Variants in ABLIM1 observed in about 807,000 individuals in gnomAD.
ABLIM1 encodes actin binding LIM protein 1, also known as actin-binding LIM protein 1.
A neutral mutation model predicts 107.0 loss-of-function variants in ABLIM1; 40 were observed. That is an observed-to-expected ratio of 0.37 (90% CI 0.29 to 0.49). The LOEUF is 0.49. Among genes scored for constraint, ABLIM1 ranks in the 20% least tolerant of loss-of-function variants. The pLI is 0.97. For synonymous variants in ABLIM1, 357 were observed against 357.3 expected, an observed-to-expected ratio of 1.00 and a Z score of 0.01; for missense variants, 857 against 1,008.5, an observed-to-expected ratio of 0.85 and a Z score of 2.04.
At chr10:114,588,288 T>G (rs1321725411) in intron 2 of ABLIM1, among the ~76,000 whole-genome samples, 1 of 152,082 alleles carries the variant, frequency 6.6e-6, no homozygotes, top group African/African-American at 2.4e-5. Flanking sequence ...GCCAGTCAGG[T>G]AAGGGTAGAG....
chr10:114,711,387 C>T (rs1272289666), intron 1 of ABLIM1, among the ~76,000 whole-genome samples: 5 of 152,094 alleles, frequency 3.3e-5, no homozygotes, highest in Non-Finnish European at 7.4e-5. Context: ...TTTTGATGTT[C>T]AGTTTCCATG....
chr10:114,689,147 T>A (rs1022315847), upstream of ABLIM1, among the ~76,000 whole-genome samples: 1 of 152,058 alleles, frequency 6.6e-6, no homozygotes, highest in African/African-American at 2.4e-5. Flanking sequence ...GGGCAGTTTA[T>A]CAAGTTCAGG....
intron 1 of ABLIM1, among the ~76,000 whole-genome samples, chr10:114,755,622 T>A (rs2082613325): frequency 1.3e-5 from 2 of 152,234 alleles, no homozygotes; most frequent in African/African-American, 4.8e-5. Context: ...GCCGGCTTTG[T>A]ACAGAGAGTA....
At chr10:114,790,180 C>G in the ABLIM1 span, among the ~76,000 whole-genome samples, 1 of 151,358 alleles carries the variant, frequency 6.6e-6, no homozygotes, top group African/African-American at 2.4e-5. Context: ...CTTTCTTTTG[C>G]TTAGGTAGTT....
chr10:114,764,780 T>C (rs2082844640), intron 1 of ABLIM1: 1 of 152,374 alleles, frequency 6.6e-6, no homozygotes, highest in Non-Finnish European at 1.5e-5. Flanking sequence ...TGGCTGGCTC[T>C]GACATTCAAT....
chr10:114,637,873 G>C (rs1437732527), intron 1 of ABLIM1, among the ~76,000 whole-genome samples: 2 of 152,174 alleles, frequency 1.3e-5, no homozygotes, highest in South Asian at 4.1e-4. Flanking sequence ...TTTAAAAACA[G>C]TTTACTACCA....
chr10:114,511,846 G>C (rs772467808), intron 6 of ABLIM1, among the ~76,000 whole-genome samples: 5 of 152,112 alleles, frequency 3.3e-5, no homozygotes, highest in African/African-American at 4.8e-5. Flanking sequence ...CCAGCTGTTC[G>C]GAGCATCATT....
chr10:114,793,283 A>C, the ABLIM1 span, among the ~76,000 whole-genome samples: 1 of 152,122 alleles, frequency 6.6e-6, no homozygotes, highest in Non-Finnish European at 1.5e-5. Context: ...TGTCCTTGTG[A>C]TAGTGAGTGA....
intron 2 of ABLIM1, among the ~76,000 whole-genome samples, chr10:114,578,368 T>A (rs1232086624): frequency 6.6e-6 from 1 of 151,864 alleles, no homozygotes. Flanking sequence ...GGTAGCTGTA[T>A]CCATTCTCCA....
chr10:114,609,499 G>T (rs1174150524), intron 1 of ABLIM1, among the ~76,000 whole-genome samples: 2 of 152,170 alleles, frequency 1.3e-5, no homozygotes. Context: ...GTTTCTCTTG[G>T]TTTGTGTTTC....
intron 6 of ABLIM1, among the ~76,000 whole-genome samples, chr10:114,496,771 T>A (rs1459077331): frequency 6.6e-6 from 1 of 152,248 alleles, no homozygotes; most frequent in South Asian, 2.1e-4. Context: ...ATGCTGAACA[T>A]GTCAAGACAT....
chr10:114,622,247 C>CA (rs374237031), intron 1 of ABLIM1, among the ~76,000 whole-genome samples: 1 of 136,570 alleles, frequency 7.3e-6, no homozygotes, highest in African/African-American at 2.7e-5. Context: ...TTTTCTTTTT[C>CA]TTTTTTTTTT....
intron 8 of ABLIM1, among the ~76,000 whole-genome samples, chr10:114,474,384 C>CTCTT (rs2067166613): frequency 7.4e-6 from 1 of 135,948 alleles, no homozygotes; most frequent in Non-Finnish European, 1.5e-5. Context: ...ATAGAGAGAC[C>CTCTT]TTTTTTTTTT....
chr10:114,665,309 CAG>C (rs1290060798), intron 1 of ABLIM1, among the ~76,000 whole-genome samples: 1 of 152,142 alleles, frequency 6.6e-6, no homozygotes, highest in Non-Finnish European at 1.5e-5. Context: ...AAGAGCATGA[CAG>C]GGAAAGATTA....
rs1456454531 is a variant in ABLIM1, at chr10:114,525,507, C to G, written c.894+19498G>C. 2.6e-5 allele frequency among the ~76,000 whole-genome samples: 4 copies of G among 152,214 alleles called. No homozygotes were observed. The East Asian group carries it at 7.7e-4, about 29-fold the overall frequency. On this transcript the variant is annotated intron_variant, in intron 6 of 22. Coordinates refer to ENST00000533213, the MANE Select transcript of ABLIM1 (RefSeq NM_002313.7). ...ATAAGGGATGCTTGGCAAGGCCTCA[C>G]GCTTAGTCTTAAAAAGCCTTCTCAA...
chr10:114,769,398 AAAAGAAAGAAAGAAAGAAAAGAAGG>A (rs1301755355), upstream of ABLIM1, among the ~76,000 whole-genome samples: 9 of 135,458 alleles, frequency 6.6e-5, no homozygotes, highest in African/African-American at 2.0e-4. Flanking sequence ...AGAAAGAAAG[AAAAGAAAGAAAGAAAGAAAAGAAGG>A]AAAGAAAGAA....
In ABLIM1 at chr10:114,456,934, TAAAA is replaced by T. The variant is rs61165310; in HGVS notation, c.1442-3455_1442-3452del. Among the ~76,000 whole-genome samples the T allele has an allele frequency of 1.5e-3, 207 of 138,196 alleles. 1 individual carries two copies. The highest frequency in any genetic ancestry group is 5.0e-3 in the African/African-American group (193 of 38,422). The allele number at this position is 138,196 out of a possible 152,430, so 90.7% of individuals were successfully genotyped here. On this transcript the variant is annotated intron_variant, in intron 12 of 22. Transcript: ENST00000533213. ...TTCACCTCTCTAGTTGTTTTTTTTT[TAAAA>T]AAAAAAAAAAAACACTACTTTGTTC...
chr10:114,629,835 A>AAAAC lies in ABLIM1; in HGVS notation c.245-27878_245-27875dup, dbSNP rs146186005. Among the ~76,000 whole-genome samples the AAAAC allele has an allele frequency of 7.2e-5, 11 of 151,894 alleles. No homozygotes were observed. The highest frequency in any genetic ancestry group is 2.0e-4 in the East Asian group (1 of 5,070). On this transcript the variant is annotated intron_variant, in intron 1 of 22. Transcript: ENST00000533213. The surrounding 1 kb of genome is among the most constrained non-coding windows in gnomAD (Gnocchi z 4.0). ...TATGGAAACCCTTGTGTACCTACCAAAAACAAACAAACAAACAAACAAAAA... is the reference window on the plus strand; with the variant it reads ...TATGGAAACCCTTGTGTACCTACCAAAAACAAACAAACAAACAAACAAACAAAAA...
chr10:114,756,487 G>T (rs757017146), intron 1 of ABLIM1, among the ~76,000 whole-genome samples: 1 of 152,050 alleles, frequency 6.6e-6, no homozygotes, highest in East Asian at 1.9e-4. Context: ...CTTTTATGCC[G>T]AGATTTAGGG....
Sources: gnomAD v4.1 joint callset for allele counts (sites outside exome capture counted in the v4.1 genomes callset) on GRCh38, gnomAD v4.1.1 for gene constraint, Gnocchi (gnomAD v3.1) non-coding constraint, MANE v1.5 for transcripts, NCBI Gene and HGNC (gene_info 2026-07-23, HGNC 2026-07-21) for gene names.